NEBL: variants seen among roughly 807,000 people sequenced by gnomAD.
NEBL encodes nebulette, also known as LIM and SH3 protein 2.
A neutral mutation model predicts 140.2 loss-of-function variants in NEBL; 122 were observed. The observed-to-expected ratio is 0.87, with a 90% CI of 0.75 to 1.01. The LOEUF is 1.01. NEBL is among the 50% of genes least tolerant of loss of function. The probability of loss-of-function intolerance (pLI) is 0.00; values close to 1 mark genes in which losing one functional copy is unlikely to be tolerated. For synonymous variants in NEBL, 436 were observed against 398.9 expected (o/e 1.09, Z -1.11); for missense variants, 1,365 against 1,231.3 (o/e 1.11, Z -1.62).
chr10:20,954,954 A>G lies in NEBL; in HGVS notation c.357+6718T>C, dbSNP rs73607558. 3.4e-3 allele frequency among the ~76,000 whole-genome samples: 518 copies of G among 152,364 alleles called. 3 individuals carry two copies. Among genetic ancestry groups the G allele is most frequent in the African/African-American group, 0.012 (496 of 41,588 alleles). On this transcript the variant is annotated intron_variant, in intron 4 of 6. Coordinates refer to the NEBL transcript ENST00000417816. ...TCTCAGCTAGCACTAAGCCAGGGAC[A>G]GCCTCACATTCCAGGCAAAAGATTT... is the stretch of plus-strand genomic sequence containing the variant.
chr10:21,195,639 A>C (rs541113979), intron 3 of NEBL, among the ~76,000 whole-genome samples: 16 of 152,192 alleles, frequency 1.1e-4, no homozygotes, highest in Non-Finnish European at 2.1e-4. Flanking sequence ...CACTGTTTTT[A>C]TACCATGTAA....
At chr10:21,223,642 T>C (rs932367292) in intron 3 of NEBL, among the ~76,000 whole-genome samples, 1 of 152,208 alleles carries the variant, frequency 6.6e-6, no homozygotes, top group Admixed American at 6.5e-5. Flanking sequence ...CCATAGTAGT[T>C]GTATTAATTT....
At chr10:20,856,820 T>C (rs1489906116) in intron 9 of NEBL, among the ~76,000 whole-genome samples, 1 of 152,106 alleles carries the variant, frequency 6.6e-6, no homozygotes, top group East Asian at 1.9e-4. Flanking sequence ...AAATTTATTT[T>C]TATTTTATTT....
chr10:20,809,322 G>T (rs1386833649), intron 25 of NEBL, among the ~76,000 whole-genome samples: 1 of 152,022 alleles, frequency 6.6e-6, no homozygotes, highest in Admixed American at 6.6e-5. Flanking sequence ...AACTATGCTT[G>T]CCATGTAAAC....
chr10:21,059,532 C>T (rs917868796), intron 2 of NEBL, among the ~76,000 whole-genome samples: 1 of 152,180 alleles, frequency 6.6e-6, no homozygotes, highest in African/African-American at 2.4e-5. Context: ...GAATATACAA[C>T]GTTAACAACC....
intron 2 of NEBL, among the ~76,000 whole-genome samples, chr10:21,064,443 G>A (rs1341063229): frequency 6.6e-6 from 1 of 152,116 alleles, no homozygotes; most frequent in Non-Finnish European, 1.5e-5. Context: ...TGTGGAAAAA[G>A]AAAACTCATG....
intron 1 of NEBL, among the ~76,000 whole-genome samples, chr10:21,258,398 C>G (rs1017051644): frequency 6.6e-6 from 1 of 151,876 alleles, no homozygotes; most frequent in Non-Finnish European, 1.5e-5. Flanking sequence ...GTGAAATCCC[C>G]TTTCTACTAA....
intron 3 of NEBL, among the ~76,000 whole-genome samples, chr10:21,007,724 A>G (rs955462548): frequency 3.9e-5 from 6 of 152,218 alleles, no homozygotes; most frequent in African/African-American, 1.4e-4. Flanking sequence ...AACAAACTAC[A>G]CAGAGAAAGA....
At chr10:21,122,500 T>C (rs1468176429) in intron 2 of NEBL, among the ~76,000 whole-genome samples, 1 of 152,198 alleles carries the variant, frequency 6.6e-6, no homozygotes, top group African/African-American at 2.4e-5. Context: ...AATCTCTCTA[T>C]TCTTTTGATC....
chr10:21,178,973 G>GT (rs1191731859), upstream of NEBL, among the ~76,000 whole-genome samples: 2 of 152,168 alleles, frequency 1.3e-5, no homozygotes, highest in African/African-American at 4.8e-5. Context: ...CCCAGAACTG[G>GT]TGAATATATT....
intron 4 of NEBL, among the ~76,000 whole-genome samples, chr10:20,949,255 A>G (rs1371814776): frequency 6.6e-6 from 1 of 152,122 alleles, no homozygotes; most frequent in South Asian, 2.1e-4. Flanking sequence ...ACGAGAACAC[A>G]CGGACACAGG....
At chr10:21,021,027 C>T (rs1270471187) in intron 2 of NEBL, among the ~76,000 whole-genome samples, 1 of 152,014 alleles carries the variant, frequency 6.6e-6, no homozygotes, top group Admixed American at 6.6e-5. Flanking sequence ...CATCACCCCA[C>T]CCCTCCATAA....
intron 2 of NEBL, among the ~76,000 whole-genome samples, chr10:21,140,363 A>G (rs1014477378): frequency 1.3e-5 from 2 of 152,216 alleles, no homozygotes; most frequent in African/African-American, 2.4e-5. Flanking sequence ...ATTTGCAAGA[A>G]TTATTCAAAT....
At chr10:20,980,900 A>G (rs2131663344) in intron 3 of NEBL, among the ~76,000 whole-genome samples, 1 of 152,310 alleles carries the variant, frequency 6.6e-6, no homozygotes, top group Non-Finnish European at 1.5e-5. Flanking sequence ...CAAGGCTGGT[A>G]AGAACTGTGC....
chr10:20,981,820 T>A (rs1162084725), intron 3 of NEBL, among the ~76,000 whole-genome samples: 1 of 152,128 alleles, frequency 6.6e-6, no homozygotes, highest in Non-Finnish European at 1.5e-5. Context: ...AAGACATGAA[T>A]TGAGAGATAG....
chr10:20,868,882 A>G, intron 6 of NEBL, 117 bp from the exon 7 acceptor site: 1 of 716,980 alleles, frequency 1.4e-6, no homozygotes, highest in Non-Finnish European at 2.5e-6. Context: ...ATTCCTTACA[A>G]CACATCAAAC....
chr10:21,165,186 T>A (rs1805285657), intron 2 of NEBL, among the ~76,000 whole-genome samples: 1 of 152,218 alleles, frequency 6.6e-6, no homozygotes, highest in Non-Finnish European at 1.5e-5. Context: ...GTGGGAATTA[T>A]TTTCCCATTG....
intron 2 of NEBL, 34 bp downstream of exon 2, chr10:20,896,924 G>C (rs769441453): frequency 7.0e-6 from 11 of 1,581,192 alleles, no homozygotes; most frequent in Non-Finnish European, 9.6e-6. Flanking sequence ...CAGGTGCAAT[G>C]CAAAATAAGA....
Position 20,817,556 on chromosome 10 carries a change from A to C in NEBL, c.2148+44T>G, listed in dbSNP as rs777491873. 2.1e-6 allele frequency: 3 copies of C among 1,406,404 alleles called. No homozygotes were observed. The East Asian group carries it at 6.8e-5, about 32-fold the overall frequency. 87.1% of individuals were successfully genotyped at this position (1,406,404 alleles called of 1,614,324 possible). On this transcript the variant is annotated intron_variant, in intron 21 of 27. Transcript: ENST00000377122. ...CAATCCCTTCATTCACACGTGGACA[A>C]TGCATTTGATAGTGTAAGAAAAAAG...
Sources: allele counts gnomAD v4.1 joint callset (sites outside exome capture counted in the v4.1 genomes callset), GRCh38; gene constraint gnomAD v4.1.1; transcripts MANE v1.5; gene names NCBI Gene and HGNC (gene_info 2026-07-23, HGNC 2026-07-21).